The following LRP12 variants were observed in gnomAD, a reference collection of about 807,000 sequenced individuals.
LRP12 encodes the protein low-density lipoprotein receptor-related protein 12.
In LRP12, 14 loss-of-function variants were observed where a neutral mutation model predicts 66.0. The observed-to-expected ratio is 0.21, with a 90% CI of 0.14 to 0.33. LRP12 has a LOEUF of 0.33. Ranked by LOEUF, LRP12 falls within the 10% of genes least tolerant of loss-of-function variation. LRP12 has a pLI of 1.00. For synonymous variants in LRP12, 357 were observed against 359.1 expected (o/e 0.99, Z 0.07); for missense variants, 889 against 1,053.4 (o/e 0.84, Z 2.16).
At chr8:104,571,215 G>A (rs1812075959) in intron 1 of LRP12, among the ~76,000 whole-genome samples, 1 of 152,028 alleles carries the variant, frequency 6.6e-6, no homozygotes, top group African/African-American at 2.4e-5. Context: ...CTTCTCCTAA[G>A]TATTTATCCT....
chr8:104,588,928 G>C lies in LRP12; in HGVS notation c.-31C>G, dbSNP rs762446208. The C allele has an allele frequency of 7.8e-6, 12 of 1,538,362 alleles. No individual in the cohort carries two copies. The highest frequency in any genetic ancestry group is 2.8e-5 in the African/African-American group (2 of 72,082). On this transcript the variant is annotated 5_prime_UTR_variant, in exon 1 of 7. Coordinates refer to ENST00000276654, the MANE Select transcript of LRP12 (RefSeq NM_013437.5). The stretch of plus-strand genomic sequence containing the variant: ...CAGCAGATGGAGAGAGAGAGGAGGA[G>C]ACGGAGGAGGAGGGAGGAGAAGCTG...
At chr8:104,515,670 C>G (rs1811063646) in intron 2 of LRP12, among the ~76,000 whole-genome samples, 1 of 152,066 alleles carries the variant, frequency 6.6e-6, no homozygotes, top group African/African-American at 2.4e-5. Context: ...AAGCAAATAC[C>G]TTTAAGTGGG....
intron 3 of LRP12, chr8:104,507,051 A>C: frequency 6.6e-6 from 1 of 152,226 alleles, no homozygotes; most frequent in East Asian, 1.9e-4. Flanking sequence ...TTACATGGTA[A>C]GTTAATTTAA....
chr8:104,549,782 G>C (rs1031783630), intron 1 of LRP12, among the ~76,000 whole-genome samples: 1 of 152,032 alleles, frequency 6.6e-6, no homozygotes, highest in Non-Finnish European at 1.5e-5. Flanking sequence ...AATTCATCTG[G>C]ATACTCAATG....
chr8:104,584,883 A>C (rs745613684), intron 1 of LRP12, among the ~76,000 whole-genome samples: 4 of 152,224 alleles, frequency 2.6e-5, no homozygotes, highest in Non-Finnish European at 2.9e-5. Flanking sequence ...ACCTTTCTAA[A>C]ATTGGAATTT....
At position 104,542,181 on chromosome 8, in the gene LRP12, T is replaced by C. The variant is rs1035992106; in HGVS notation, c.80-10218A>G. Among the ~76,000 whole-genome samples the C allele has an allele frequency of 9.8e-5, 15 of 152,326 alleles. No individual in the cohort carries two copies. In the East Asian group the frequency reaches 2.7e-3, roughly 27 times the overall value. ...TTGTTATTGTCCACCTTTTTCATTT[T>C]AGCCATCCTATGGGTGTGAAGTGAT... is the stretch of plus-strand genomic sequence containing the variant. On this transcript the variant is annotated intron_variant, in intron 1 of 6. Transcript: ENST00000276654.
intron 1 of LRP12, among the ~76,000 whole-genome samples, chr8:104,552,262 C>T (rs529886583): frequency 6.6e-6 from 1 of 152,188 alleles, no homozygotes; most frequent in Non-Finnish European, 1.5e-5. Context: ...ATGGGGATAC[C>T]AAGAAAATGG....
At chr8:104,517,278 A>C (rs1430096835) in intron 2 of LRP12, among the ~76,000 whole-genome samples, 1 of 151,478 alleles carries the variant, frequency 6.6e-6, no homozygotes, top group Non-Finnish European at 1.5e-5. Flanking sequence ...TGGTGTAATT[A>C]AACAGAAACA....
At chr8:104,501,005 ATG>A (rs1810820952) in intron 3 of LRP12, among the ~76,000 whole-genome samples, 1 of 152,228 alleles carries the variant, frequency 6.6e-6, no homozygotes, top group Non-Finnish European at 1.5e-5. Flanking sequence ...TCTATTTAGC[ATG>A]TCTTTATTTA....
chr8:104,514,048 A>G lies in LRP12; in HGVS notation c.137-4974T>C, dbSNP rs76331383. ...CTGAAGTAAAAAGAAATTGAAGAAT[A>G]CTACAGGCGTTTTCAAGAATTTTCA... is the stretch of plus-strand genomic sequence containing the variant. On this transcript the variant is annotated intron_variant, in intron 2 of 6. Transcript: ENST00000276654. Among the ~76,000 whole-genome samples the G allele has an allele frequency of 6.0e-3, 913 of 152,300 alleles. 9 individuals are homozygous for G. Among genetic ancestry groups the G allele is most frequent in the Admixed American group, 0.012 (189 of 15,306 alleles).
At chr8:104,546,304 T>G (rs1235483548) in intron 1 of LRP12, among the ~76,000 whole-genome samples, 1 of 152,102 alleles carries the variant, frequency 6.6e-6, no homozygotes, top group Non-Finnish European at 1.5e-5. Flanking sequence ...GTTTGATAAG[T>G]GCGAACAAAT....
chr8:104,510,010 A>G (rs948821168), intron 2 of LRP12, among the ~76,000 whole-genome samples: 1 of 152,234 alleles, frequency 6.6e-6, no homozygotes, highest in Admixed American at 6.5e-5. Flanking sequence ...GGATCACTGA[A>G]TAAGAGTTCA....
chr8:104,518,350 A>T (rs780149734), intron 2 of LRP12, among the ~76,000 whole-genome samples: 20 of 152,102 alleles, frequency 1.3e-4, no homozygotes, highest in Non-Finnish European at 2.8e-4. Context: ...TAATTTTTCT[A>T]AGGTCACAAA....
chr8:104,503,325 T>C (rs1810857111), intron 3 of LRP12, among the ~76,000 whole-genome samples: 1 of 74,828 alleles, frequency 1.3e-5, no homozygotes, highest in African/African-American at 6.3e-5. Context: ...AGACTGTGTC[T>C]CTCAAAAAAA....
In LRP12 at chr8:104,579,743, T is replaced by C. The variant is rs566263578; in HGVS notation, c.79+9076A>G. 1.4e-3 allele frequency among the ~76,000 whole-genome samples: 212 copies of C among 152,238 alleles called. 1 individual carries two copies. The highest frequency in any genetic ancestry group is 3.4e-3 in the Middle Eastern group (1 of 294). On this transcript the variant is annotated intron_variant, in intron 1 of 6. Transcript: ENST00000276654. ...GTACAAAAACAGACACATAGACCAATGGAACACAATAGAGAACCCAGAAAT... is the reference window on the plus strand; with the variant it reads ...GTACAAAAACAGACACATAGACCAACGGAACACAATAGAGAACCCAGAAAT...
intron 6 of LRP12, among the ~76,000 whole-genome samples, chr8:104,494,627 A>C (rs1810693537): frequency 6.6e-6 from 1 of 152,192 alleles, no homozygotes; most frequent in Non-Finnish European, 1.5e-5. Context: ...AAAATGCTAT[A>C]AATTGTTAAA....
At chr8:104,578,878 C>A (rs1010765836) in intron 1 of LRP12, among the ~76,000 whole-genome samples, 4 of 152,038 alleles carry the variant, frequency 2.6e-5, no homozygotes, top group Non-Finnish European at 5.9e-5. Context: ...AACTCCACAC[C>A]CCTTCATATT....
intron 1 of LRP12, among the ~76,000 whole-genome samples, chr8:104,556,611 C>T (rs180870770): frequency 1.7e-4 from 26 of 152,096 alleles, no homozygotes; most frequent in Admixed American, 3.9e-4. Context: ...AGCAGCAAGG[C>T]TGAAATAATT....
intron 1 of LRP12, among the ~76,000 whole-genome samples, chr8:104,568,454 C>T (rs1349449462): frequency 1.3e-5 from 2 of 152,040 alleles, no homozygotes; most frequent in African/African-American, 4.8e-5. Context: ...ACACTTGTGC[C>T]TCAAAGAACA....
Sources: gnomAD v4.1 joint callset for allele counts (sites outside exome capture counted in the v4.1 genomes callset) on GRCh38, gnomAD v4.1.1 for gene constraint, MANE v1.5 for transcripts, NCBI Gene and HGNC (gene_info 2026-07-23, HGNC 2026-07-21) for gene names.